The following CCDC158 variants were observed in gnomAD, a reference collection of about 807,000 sequenced individuals.
The protein encoded by CCDC158 is coiled-coil domain containing 158, also known as coiled-coil domain-containing protein 158.
Under a neutral mutation model 138.6 loss-of-function variants are expected in CCDC158, and 116 were observed. The observed-to-expected ratio is 0.84, with a 90% CI of 0.72 to 0.98. CCDC158 has a LOEUF of 0.98. Ranked by LOEUF, CCDC158 falls within the 50% of genes least tolerant of loss-of-function variation. The pLI is 0.00. For synonymous variants in CCDC158, 436 were observed against 442.4 expected (o/e 0.99, Z 0.18); for missense variants, 1,265 against 1,306.1 (o/e 0.97, Z 0.48).
chr4:76,322,434 T>C (rs1368568739), intron 24 of CCDC158, among the ~76,000 whole-genome samples: 1 of 152,178 alleles, frequency 6.6e-6, no homozygotes, highest in East Asian at 1.9e-4. Flanking sequence ...TTTCCCAATG[T>C]TGTTGTGAAA....
At chr4:76,327,182 A>C (rs1720606751) in intron 22 of CCDC158, among the ~76,000 whole-genome samples, 1 of 152,186 alleles carries the variant, frequency 6.6e-6, no homozygotes, top group South Asian at 2.1e-4. Context: ...AACAATAGTA[A>C]AAAACATATA....
chr4:76,410,689 C>T (rs537093886), intron 2 of CCDC158, among the ~76,000 whole-genome samples: 4 of 152,158 alleles, frequency 2.6e-5, no homozygotes, highest in Non-Finnish European at 4.4e-5. Context: ...TGAGGTACCT[C>T]GGGACTGATT....
At chr4:76,406,391 C>T (rs931980290) in intron 2 of CCDC158, among the ~76,000 whole-genome samples, 1 of 152,078 alleles carries the variant, frequency 6.6e-6, no homozygotes, top group African/African-American at 2.4e-5. Context: ...CTTTAACGGA[C>T]AATTAGTATG....
At chr4:76,368,339 GC>G in intron 11 of CCDC158, among the ~76,000 whole-genome samples, 1 of 152,030 alleles carries the variant, frequency 6.6e-6, no homozygotes, top group East Asian at 1.9e-4. Flanking sequence ...ATGAATAATG[GC>G]TTTTATCCAC....
At chr4:76,360,394 C>T (rs1450844048) in intron 13 of CCDC158, among the ~76,000 whole-genome samples, 3 of 152,166 alleles carry the variant, frequency 2.0e-5, no homozygotes, top group Non-Finnish European at 4.4e-5. Flanking sequence ...GGGCCACTGT[C>T]CTCCAGACCC....
In CCDC158 at chr4:76,355,335, T is replaced by C; in HGVS notation, c.2275A>G (p.Asn759Asp). 6.2e-7 allele frequency: 1 copy of C among 1,612,086 alleles called. No individual in the cohort carries two copies. Among genetic ancestry groups the C allele is most frequent in the South Asian group, 1.1e-5 (1 of 91,044 alleles). The change falls in exon 15 of 25, where the codon AAT becomes GAT. Residue 759 changes from asparagine to aspartate, a missense_variant. By Grantham distance (23) the Asn-to-Asp change is conservative. Transcript: ENST00000682701. Reference sequence around the variant, plus strand: ...GGACAGCAACCCACCTTATTTGCATTTGTCATTGCCTCTTCCAAAAACTGT... The same window carrying C: ...GGACAGCAACCCACCTTATTTGCATCTGTCATTGCCTCTTCCAAAAACTGT... ...KIQFLEEAMT[N>D]ANKEKHFLKE...
intron 1 of CCDC158, among the ~76,000 whole-genome samples, chr4:76,419,659 A>G (rs867398452): frequency 2.0e-4 from 31 of 152,040 alleles, no homozygotes; most frequent in Non-Finnish European, 3.8e-4. Flanking sequence ...TTCGGCCTAT[A>G]TCAAATCTGC....
Position 76,412,146 on chromosome 4 carries a change from A to G in CCDC158, c.-116-14T>C, listed in dbSNP as rs1434721692. On this transcript the variant is annotated splice_polypyrimidine_tract_variant and intron_variant, in intron 1 of 24. Transcript: ENST00000682701. ...TTCTATTAATATCTGAAAAAACAAAATATTTAAAATCTGTTCATTTATATA... is the reference window on the plus strand; with the variant it reads ...TTCTATTAATATCTGAAAAAACAAAGTATTTAAAATCTGTTCATTTATATA... The G allele has an allele frequency of 1.3e-5, 2 of 152,232 alleles. No homozygotes were observed. The highest frequency in any genetic ancestry group is 4.8e-5 in the African/African-American group (2 of 41,466). The allele number at this position is 152,232 out of a possible 1,614,324, so 9.4% of individuals were successfully genotyped here.
intron 4 of CCDC158, among the ~76,000 whole-genome samples, chr4:76,389,060 A>C (rs1382904036): frequency 6.6e-6 from 1 of 152,154 alleles, no homozygotes; most frequent in Non-Finnish European, 1.5e-5. Flanking sequence ...ACCAAAGTAC[A>C]TCTACAAGCA....
intron 16 of CCDC158, 40 bp downstream of exon 16, chr4:76,353,083 T>C: frequency 2.6e-6 from 4 of 1,510,628 alleles, no homozygotes; most frequent in Non-Finnish European, 3.6e-6. Context: ...TTAATAACTA[T>C]TTAGTTGATA....
At chr4:76,375,853 C>T (rs988574786) in intron 9 of CCDC158, 2 of 468,766 alleles carry the variant, frequency 4.3e-6, no homozygotes, top group African/African-American at 2.0e-5. Context: ...ATATTAACTT[C>T]CAAAACAAGT....
chr4:76,409,540 G>A (rs1729121136), intron 2 of CCDC158, among the ~76,000 whole-genome samples: 1 of 152,116 alleles, frequency 6.6e-6, no homozygotes, highest in South Asian at 2.1e-4. Context: ...TTTTTAAAAA[G>A]TAGTATCTAG....
In CCDC158 at chr4:76,412,012, T is replaced by C. The variant is rs192905781; in HGVS notation, c.-74+78A>G. ...CAGGTTTTCTAAAATAAATCAGATATAGATACAGATAAAATAGTATTATCA... is the reference window on the plus strand; with the variant it reads ...CAGGTTTTCTAAAATAAATCAGATACAGATACAGATAAAATAGTATTATCA... On this transcript the variant is annotated intron_variant, in intron 2 of 24. Transcript: ENST00000682701. The C allele has an allele frequency of 1.7e-3, 265 of 152,322 alleles. 2 individuals carry two copies. Among genetic ancestry groups the C allele is most frequent in the African/African-American group, 6.1e-3 (252 of 41,576 alleles). 9.4% of individuals were successfully genotyped at this position (152,322 alleles called of 1,614,324 possible). A position where few individuals can be genotyped will look rare whatever the true frequency, so the allele number is the denominator to read the frequency against.
At chr4:76,351,162 T>C (rs1442353795) in intron 17 of CCDC158, 41 bp from the exon 18 acceptor site, 2 of 1,550,664 alleles carry the variant, frequency 1.3e-6, no homozygotes, top group Admixed American at 2.0e-5. Flanking sequence ...ACTGCCAGCC[T>C]ACAATTATAA....
intron 24 of CCDC158, among the ~76,000 whole-genome samples, chr4:76,313,720 C>T (rs1036089918): frequency 6.6e-6 from 1 of 152,202 alleles, no homozygotes; most frequent in African/African-American, 2.4e-5. Context: ...CTGGAATCTG[C>T]CTCCGCCCAA....
At chr4:76,371,292 C>A in intron 10 of CCDC158, 125 bp downstream of exon 10, 1 of 883,760 alleles carries the variant, frequency 1.1e-6, no homozygotes, top group Non-Finnish European at 1.7e-6. Context: ...CTAAAATAAT[C>A]TATTGCATGT....
At chr4:76,355,562 G>A (rs1723467254) in intron 14 of CCDC158, 126 bp from the exon 15 acceptor site, 4 of 700,394 alleles carry the variant, frequency 5.7e-6, no homozygotes, top group Non-Finnish European at 1.0e-5. Flanking sequence ...GCAGTTTCAA[G>A]GAAAAGATCA....
At chr4:76,349,612 T>A (rs1431440297) in intron 18 of CCDC158, among the ~76,000 whole-genome samples, 1 of 152,206 alleles carries the variant, frequency 6.6e-6, no homozygotes. Flanking sequence ...CAAGCTGCAG[T>A]GAGCATGACT....
chr4:76,410,650 T>C (rs974370518), intron 2 of CCDC158, among the ~76,000 whole-genome samples: 1 of 152,200 alleles, frequency 6.6e-6, no homozygotes, highest in African/African-American at 2.4e-5. Context: ...CTAGAACCAG[T>C]CTGCAGGTAT....
Sources: gnomAD v4.1 joint callset for allele counts (sites outside exome capture counted in the v4.1 genomes callset) on GRCh38, gnomAD v4.1.1 for gene constraint, MANE v1.5 for transcripts, NCBI Gene and HGNC (gene_info 2026-07-23, HGNC 2026-07-21) for gene names.